Variants in RIPOR3 observed in about 807,000 individuals in gnomAD.
The protein encoded by RIPOR3 is RIPOR family member 3, also known as family with sequence similarity 65 member C.
RIPOR3 carries 95 observed loss-of-function variants against 114.3 expected under a neutral mutation model. The observed-to-expected ratio is 0.83, with a 90% CI of 0.70 to 0.99. The LOEUF (loss-of-function observed/expected upper bound fraction) is 0.99. Ranked by LOEUF, RIPOR3 falls within the 50% of genes least tolerant of loss-of-function variation. RIPOR3 has a pLI of 0.00. For missense variants in RIPOR3, 1,252 were observed against 1,266.9 expected (o/e 0.99, Z 0.18); for synonymous variants, 575 against 543.8 (o/e 1.06, Z -0.80).
intron 20 of RIPOR3, among the ~76,000 whole-genome samples, chr20:50,588,507 G>A (rs937504641): frequency 2.0e-5 from 3 of 152,178 alleles, no homozygotes; most frequent in Non-Finnish European, 4.4e-5. Flanking sequence ...TCACATCCAT[G>A]GGATCTATGT....
At position 50,691,313 on chromosome 20, in the gene RIPOR3, T is replaced by C; in HGVS notation, c.-185A>G. 1.5e-6 allele frequency: 1 copy of C among 668,914 alleles called. No homozygotes were observed. Among genetic ancestry groups the C allele is most frequent in the South Asian group, 1.7e-5 (1 of 57,678 alleles). The allele number at this position is 668,914 out of a possible 1,614,324, so 41.4% of individuals were successfully genotyped here. A position where few individuals can be genotyped will look rare whatever the true frequency, so the allele number is the denominator to read the frequency against. On this transcript the variant is annotated 5_prime_UTR_variant, in exon 1 of 22. Coordinates refer to ENST00000327979, the MANE Select transcript of RIPOR3 (RefSeq NM_001290268.2). ...GTCCCGCTCTCTGGGAAGATCGCCT[T>C]GAGGACCTGCTGCGCCCCGAGTCTT... is the stretch of plus-strand genomic sequence containing the variant.
Position 50,592,955 on chromosome 20 carries a change from G to T in RIPOR3, c.2374+80C>A. 1.9e-6 allele frequency: 3 copies of T among 1,539,310 alleles called. No homozygotes were observed. In the South Asian group the frequency reaches 3.6e-5, roughly 18 times the overall value. On this transcript the variant is annotated intron_variant, in intron 18 of 21. Transcript: ENST00000327979. ...TGGCGGGGATGGATGTAGTGGTTCT[G>T]AATTATAACCTGAGAAACTGCATGT...
intron 1 of RIPOR3, among the ~76,000 whole-genome samples, chr20:50,689,817 C>G (rs1455191480): frequency 6.6e-6 from 1 of 152,094 alleles, no homozygotes; most frequent in Non-Finnish European, 1.5e-5. Flanking sequence ...GGGTTCACAG[C>G]CAGTCCCTGA....
At position 50,593,027 on chromosome 20, in the gene RIPOR3, A is replaced by T. The variant is rs764992612; in HGVS notation, c.2374+8T>A. 3.1e-6 allele frequency: 5 copies of T among 1,613,784 alleles called. No individual in the cohort carries two copies. The Admixed American group carries it at 8.3e-5, about 27-fold the overall frequency. Reference sequence around the variant, plus strand: ...CTCTGCTATGACAGCCACCCACCCCAGTCTTACCTTCCTTGGTGAGCTGGG... The same window carrying T: ...CTCTGCTATGACAGCCACCCACCCCTGTCTTACCTTCCTTGGTGAGCTGGG... On this transcript the variant is annotated splice_region_variant and intron_variant, in intron 18 of 21. Coordinates refer to ENST00000327979, the MANE Select transcript of RIPOR3 (RefSeq NM_001290268.2).
chr20:50,652,476 A>G (rs1325199043), intron 1 of RIPOR3, among the ~76,000 whole-genome samples: 1 of 151,660 alleles, frequency 6.6e-6, no homozygotes, highest in East Asian at 1.9e-4. Context: ...CTGTAATCCC[A>G]GCTACTTGGG....
intron 17 of RIPOR3, among the ~76,000 whole-genome samples, chr20:50,594,275 CA>C (rs35958484): frequency 0.22 from 16,915 of 77,550 alleles, 876 homozygotes; most frequent in African/African-American, 0.24. Context: ...GACTCCATCT[CA>C]AAAAAAAAAA....
At chr20:50,650,286 C>T (rs908133484) in intron 1 of RIPOR3, among the ~76,000 whole-genome samples, 5 of 152,136 alleles carry the variant, frequency 3.3e-5, no homozygotes, top group African/African-American at 4.8e-5. Context: ...AATCACAGCA[C>T]GGGGGTTTGG....
intron 13 of RIPOR3, among the ~76,000 whole-genome samples, chr20:50,601,470 C>G (rs77939685): frequency 0.01 from 1,564 of 152,228 alleles, 27 homozygotes; most frequent in African/African-American, 0.035. Context: ...AATAAAAGAG[C>G]GTGTTCAGGG....
In RIPOR3 at chr20:50,602,916, C is replaced by CTCAGGGCCT. The variant is rs2083559304; in HGVS notation, c.1087-281_1087-273dup. Among the ~76,000 whole-genome samples the CTCAGGGCCT allele has an allele frequency of 6.6e-6, 1 of 152,248 alleles. No individual in the cohort carries two copies. The highest frequency in any genetic ancestry group is 2.4e-5 in the African/African-American group (1 of 41,472). ...TGTGGGCTGGGCCCCACGTTCCTGC[C>CTCAGGGCCT]TCAGGGCCTTTGCACTGACTGTGCT... is the stretch of plus-strand genomic sequence containing the variant. On this transcript the variant is annotated intron_variant, in intron 12 of 21. Transcript: ENST00000327979. The surrounding 1 kb of genome is among the most constrained non-coding windows in gnomAD (Gnocchi z 4.3).
intron 1 of RIPOR3, among the ~76,000 whole-genome samples, chr20:50,683,050 G>C (rs2086910055): frequency 6.6e-6 from 1 of 152,112 alleles, no homozygotes; most frequent in African/African-American, 2.4e-5. Flanking sequence ...TTTAAGCAAG[G>C]GAAATTGAGA....
intron 14 of RIPOR3, 123 bp downstream of exon 14, chr20:50,597,457 T>G: frequency 7.3e-7 from 1 of 1,369,278 alleles, no homozygotes; most frequent in Non-Finnish European, 9.9e-7. Flanking sequence ...CACGATAGAG[T>G]GACAAGAGCT....
At chr20:50,665,424 T>TTTTTTTG (rs1247344041) in intron 1 of RIPOR3, among the ~76,000 whole-genome samples, 1 of 139,252 alleles carries the variant, frequency 7.2e-6, no homozygotes, top group African/African-American at 2.6e-5. Flanking sequence ...CCTCTTCCTT[T>TTTTTTTG]TTTTTTTTTT....
chr20:50,648,933 C>T (rs1466621004), intron 1 of RIPOR3, among the ~76,000 whole-genome samples: 8 of 152,140 alleles, frequency 5.3e-5, no homozygotes, highest in Non-Finnish European at 1.2e-4. Flanking sequence ...AGACCATGGA[C>T]AAGTACAAGT....
At chr20:50,672,993 A>G (rs1382120522) in intron 1 of RIPOR3, among the ~76,000 whole-genome samples, 1 of 152,198 alleles carries the variant, frequency 6.6e-6, no homozygotes, top group Non-Finnish European at 1.5e-5. Flanking sequence ...TGGGCTGCCC[A>G]AGCTGGGTGG....
rs202129855 is a variant in RIPOR3, at chr20:50,592,519, G to A, written c.2402C>T (p.Ala801Val). 5.0e-5 allele frequency: 79 copies of A among 1,582,510 alleles called. No individual in the cohort carries two copies. The African/African-American group carries it at 6.0e-4, about 12-fold the overall frequency. ...CTTCCGGACCACCTTGGCCTGTCCCGCACAGTGAAGCTCCTCGATGAGTGT... is the reference window on the plus strand; with the variant it reads ...CTTCCGGACCACCTTGGCCTGTCCCACACAGTGAAGCTCCTCGATGAGTGT... Reference protein sequence around the residue: ...EVTLIEELHCAGQAKVVRKLQ... With the variant: ...EVTLIEELHCVGQAKVVRKLQ... Residue 801 changes from alanine to valine, a missense_variant, in exon 19 of 22, where the codon GCG (alanine) becomes GTG (valine). Ala to Val is a moderately conservative substitution (Grantham distance 64). Coordinates refer to ENST00000327979, the MANE Select transcript of RIPOR3 (RefSeq NM_001290268.2).
chr20:50,625,833 C>T lies in RIPOR3; in HGVS notation c.122+4905G>A, dbSNP rs149672954. On this transcript the variant is annotated intron_variant, in intron 2 of 21. Coordinates refer to ENST00000327979, the MANE Select transcript of RIPOR3 (RefSeq NM_001290268.2). The stretch of plus-strand genomic sequence containing the variant: ...CTCATCTCTCTATCCTCCCACCCCC[C>T]AGGTCCAGCTCTTGGGAAATGGCCT... Among the ~76,000 whole-genome samples the T allele has an allele frequency of 2.9e-3, 435 of 152,362 alleles. 5 individuals are homozygous for T. The highest frequency in any genetic ancestry group is 0.021 in the Admixed American group (325 of 15,298).
At chr20:50,640,227 A>T (rs1170264644) in intron 1 of RIPOR3, among the ~76,000 whole-genome samples, 2 of 152,028 alleles carry the variant, frequency 1.3e-5, no homozygotes, top group Non-Finnish European at 2.9e-5. Flanking sequence ...CGTGACACAC[A>T]CACATGCTGT....
At chr20:50,658,104 A>C (rs1388395550) in intron 1 of RIPOR3, among the ~76,000 whole-genome samples, 1 of 152,130 alleles carries the variant, frequency 6.6e-6, no homozygotes, top group Non-Finnish European at 1.5e-5. Context: ...GTATGTACCC[A>C]AAAGAAGCGA....
chr20:50,597,533 G>A (rs1489056954), intron 14 of RIPOR3, 47 bp downstream of exon 14: 2 of 1,570,244 alleles, frequency 1.3e-6, no homozygotes, highest in Non-Finnish European at 8.6e-7. Context: ...GGGTCACCCG[G>A]TGGGAGTGGT....
Sources: allele counts gnomAD v4.1 joint callset (sites outside exome capture counted in the v4.1 genomes callset), GRCh38; gene constraint gnomAD v4.1.1; non-coding constraint Gnocchi (gnomAD v3.1); transcripts MANE v1.5; gene names NCBI Gene and HGNC (gene_info 2026-07-23, HGNC 2026-07-21).